Variants in NAALADL2 observed in about 807,000 individuals in gnomAD.
The protein encoded by NAALADL2 is N-acetylated alpha-linked acidic dipeptidase like 2.
In NAALADL2, 76 loss-of-function variants were observed where a neutral mutation model predicts 87.2. That is an observed-to-expected ratio of 0.87 (90% CI 0.72 to 1.05). The LOEUF (loss-of-function observed/expected upper bound fraction) is 1.05, where lower values mean the gene tolerates loss of function less well. NAALADL2 is among the 50% of genes least tolerant of loss of function. The pLI is 0.00. For synonymous variants in NAALADL2, 354 were observed against 331.0 expected (o/e 1.07, Z -0.75); for missense variants, 1,089 against 945.8 (o/e 1.15, Z -1.99).
intron 1 of NAALADL2, chr3:174,864,132 TGAAG>T: frequency 2.2e-6 from 1 of 451,408 alleles, no homozygotes; most frequent in Non-Finnish European, 4.4e-6. Context: ...AAGGTGCATG[TGAAG>T]ATGGACTGGG....
At chr3:175,648,470 A>G (rs531099970) in intron 11 of NAALADL2, among the ~76,000 whole-genome samples, 68 of 150,402 alleles carry the variant, frequency 4.5e-4, no homozygotes, top group African/African-American at 1.6e-3. Context: ...CAAGTGAAGC[A>G]TTTTGAAATT....
At chr3:175,174,945 G>A (rs1051613245) in intron 2 of NAALADL2, among the ~76,000 whole-genome samples, 1 of 151,828 alleles carries the variant, frequency 6.6e-6, no homozygotes, top group African/African-American at 2.4e-5. Context: ...TACACTATTA[G>A]GAACATATAG....
In NAALADL2 at chr3:175,197,631, A is replaced by G. The variant is rs1739218736; in HGVS notation, c.546-36300A>G. Among the ~76,000 whole-genome samples the G allele has an allele frequency of 2.0e-5, 3 of 149,316 alleles. No homozygotes were observed. The South Asian group carries it at 6.3e-4, about 31-fold the overall frequency. ...TTGTCCAACCTTTAATTAGTAATAA[A>G]TGTTAATTAATTAATTAAGATTTGT... On this transcript the variant is annotated intron_variant, in intron 2 of 13. Transcript: ENST00000454872.
At chr3:175,394,146 A>C (rs1489189924) in intron 5 of NAALADL2, among the ~76,000 whole-genome samples, 1 of 152,206 alleles carries the variant, frequency 6.6e-6, no homozygotes, top group Non-Finnish European at 1.5e-5. Flanking sequence ...TCCAACAAAT[A>C]AATTTTACTT....
intron 4 of NAALADL2, among the ~76,000 whole-genome samples, chr3:175,303,162 C>T (rs770644191): frequency 2.0e-5 from 3 of 151,930 alleles, no homozygotes; most frequent in Non-Finnish European, 2.9e-5. Context: ...TTTTTTCAGC[C>T]CCACTACTTT....
At chr3:174,914,770 T>C (rs900245783) in intron 1 of NAALADL2, among the ~76,000 whole-genome samples, 1 of 152,176 alleles carries the variant, frequency 6.6e-6, no homozygotes, top group African/African-American at 2.4e-5. Context: ...AAGATCAATA[T>C]CTGCAGTCAG....
chr3:175,247,465 A>G (rs1445751004), intron 3 of NAALADL2, among the ~76,000 whole-genome samples: 1 of 152,096 alleles, frequency 6.6e-6, no homozygotes, highest in Non-Finnish European at 1.5e-5. Context: ...TTGAAAGAAG[A>G]CCTGAAAATG....
chr3:175,066,264 G>A (rs888925560), intron 1 of NAALADL2, among the ~76,000 whole-genome samples: 4 of 152,136 alleles, frequency 2.6e-5, no homozygotes, highest in African/African-American at 9.7e-5. Context: ...GACAGAAGTA[G>A]TTAGGTTACC....
At chr3:175,465,473 C>CTTTTTTTTTTTTTTTTTTTTTCTTTTT (rs71164634) in intron 7 of NAALADL2, among the ~76,000 whole-genome samples, 1 of 106,746 alleles carries the variant, frequency 9.4e-6, no homozygotes, top group East Asian at 3.3e-4. Flanking sequence ...TGAATTAAAT[C>CTTTTTTTTTTTTTTTTTTTTTCTTTTT]TTTTTTTTTT....
At chr3:175,374,869 G>T (rs1430683424) in intron 5 of NAALADL2, among the ~76,000 whole-genome samples, 2 of 146,744 alleles carry the variant, frequency 1.4e-5, no homozygotes, top group African/African-American at 2.5e-5. Context: ...ATGAGACCCT[G>T]TCGCAAATAA....
chr3:175,083,048 G>A (rs942920513), intron 1 of NAALADL2, among the ~76,000 whole-genome samples: 1 of 152,130 alleles, frequency 6.6e-6, no homozygotes. Context: ...ACTCTGTGTT[G>A]TCCACATAAG....
chr3:174,899,182 CT>C (rs1244286304), intron 1 of NAALADL2, among the ~76,000 whole-genome samples: 2 of 151,976 alleles, frequency 1.3e-5, no homozygotes, highest in African/African-American at 2.4e-5. Flanking sequence ...CTATTATTAA[CT>C]AAATTTTATG....
intron 5 of NAALADL2, among the ~76,000 whole-genome samples, chr3:175,390,214 C>T (rs557793719): frequency 7.2e-4 from 109 of 152,244 alleles, no homozygotes; most frequent in Middle Eastern, 6.8e-3. Flanking sequence ...CCCACTCCCT[C>T]GCAAGGGGAC....
chr3:175,356,883 G>A (rs1764437306), intron 5 of NAALADL2, among the ~76,000 whole-genome samples: 2 of 152,084 alleles, frequency 1.3e-5, no homozygotes, highest in South Asian at 2.1e-4. Context: ...GTCTGAACAT[G>A]TTCGTATAAT....
chr3:174,987,820 A>G (rs1429178376), intron 1 of NAALADL2, among the ~76,000 whole-genome samples: 4 of 140,238 alleles, frequency 2.9e-5, no homozygotes, highest in African/African-American at 1.1e-4. Context: ...AATTATATAT[A>G]TATATATAAT....
At chr3:174,592,136 G>A (rs1454666942) in intron 2 of NAALADL2, among the ~76,000 whole-genome samples, 2 of 152,104 alleles carry the variant, frequency 1.3e-5, no homozygotes, top group African/African-American at 4.8e-5. Flanking sequence ...GTAATTTATT[G>A]TGAAGAAAGA....
At chr3:174,639,670 C>T (rs1043572209) in intron 2 of NAALADL2, among the ~76,000 whole-genome samples, 1 of 152,092 alleles carries the variant, frequency 6.6e-6, no homozygotes, top group African/African-American at 2.4e-5. Context: ...TGCATACAGT[C>T]CAGTGATCTA....
intron 2 of NAALADL2, among the ~76,000 whole-genome samples, chr3:175,123,744 A>T (rs9844733): frequency 0.61 from 91,788 of 151,690 alleles, 28,291 homozygotes; most frequent in African/African-American, 0.73. Flanking sequence ...ACTGTGAAAC[A>T]TTATCAAAGC....
intron 10 of NAALADL2, among the ~76,000 whole-genome samples, chr3:175,585,908 T>C (rs1334011427): frequency 1.3e-5 from 2 of 152,224 alleles, no homozygotes; most frequent in African/African-American, 2.4e-5. Context: ...TGTCTTCTAA[T>C]TTCCATGACA....
Sources: gnomAD v4.1 joint callset for allele counts (sites outside exome capture counted in the v4.1 genomes callset) on GRCh38, gnomAD v4.1.1 for gene constraint, MANE v1.5 for transcripts, NCBI Gene and HGNC (gene_info 2026-07-23, HGNC 2026-07-21) for gene names.